The following RBFOX3 variants were observed in gnomAD, a reference collection of about 807,000 sequenced individuals.
RBFOX3 encodes RNA binding fox-1 homolog 3.
Under a neutral mutation model 48.7 loss-of-function variants are expected in RBFOX3, and 17 were observed. That is an observed-to-expected ratio of 0.35 (90% confidence interval 0.24 to 0.52). RBFOX3 has a LOEUF of 0.52. Ranked by LOEUF, RBFOX3 falls within the 20% of genes least tolerant of loss-of-function variation. The pLI is 0.94. For missense variants in RBFOX3, 382 were observed against 497.5 expected, an observed-to-expected ratio of 0.77 and a Z score of 2.21; for synonymous variants, 212 against 209.5, an observed-to-expected ratio of 1.01 and a Z score of -0.10.
chr17:79,431,557 T>C (rs1230589317), intron 2 of RBFOX3, among the ~76,000 whole-genome samples: 1 of 145,474 alleles, frequency 6.9e-6, no homozygotes, highest in East Asian at 2.1e-4. Context: ...CCATCTCGGC[T>C]CACTGCAACC....
intron 1 of RBFOX3, among the ~76,000 whole-genome samples, chr17:79,530,716 T>A (rs1208209769): frequency 8.6e-5 from 13 of 152,044 alleles, no homozygotes; most frequent in Admixed American, 6.5e-4. Flanking sequence ...GCAGAAACCA[T>A]GAAGAAGCCC....
intron 1 of RBFOX3, among the ~76,000 whole-genome samples, chr17:79,566,691 G>A (rs1281283968): frequency 5.3e-5 from 8 of 152,360 alleles, no homozygotes; most frequent in African/African-American, 1.9e-4. Context: ...CTAGGGCACT[G>A]TGGTTGCCCT....
intron 3 of RBFOX3, among the ~76,000 whole-genome samples, chr17:79,263,802 A>G (rs2066205300): frequency 6.6e-6 from 1 of 152,230 alleles, no homozygotes; most frequent in African/African-American, 2.4e-5. Flanking sequence ...AGGTATGTCC[A>G]GTCCTAACCC....
chr17:79,620,053 G>T, the RBFOX3 span, among the ~76,000 whole-genome samples: 1 of 120,234 alleles, frequency 8.3e-6, no homozygotes, highest in Non-Finnish European at 1.8e-5. Context: ...ACACGCACAT[G>T]CACACATATG....
intron 3 of RBFOX3, among the ~76,000 whole-genome samples, chr17:79,290,544 G>A (rs144792866): frequency 2.5e-3 from 373 of 152,144 alleles, no homozygotes; most frequent in Non-Finnish European, 2.2e-3. Context: ...CCGTTGCCAC[G>A]TCCCTTCTCG....
In RBFOX3 at chr17:79,111,889, C is replaced by T. The variant is rs989910053; in HGVS notation, c.222+3605G>A. Among the ~76,000 whole-genome samples the T allele has an allele frequency of 6.6e-6, 1 of 152,224 alleles. No homozygotes were observed. The highest frequency in any genetic ancestry group is 2.1e-4 in the South Asian group (1 of 4,832). ...TGGCTCAAGGTAGTGAGATGGGGTC[C>T]CCCGGTCCTTCCGCAGCCCCTCATC... On this transcript the variant is annotated intron_variant, in intron 5 of 14. Coordinates refer to ENST00000693108, the MANE Select transcript of RBFOX3 (RefSeq NM_001350451.2). This position sits in a 1 kb window ranked among gnomAD's most constrained non-coding sequence, Gnocchi z 4.2.
chr17:79,542,566 C>T (rs1407782515), intron 1 of RBFOX3, among the ~76,000 whole-genome samples: 1 of 152,204 alleles, frequency 6.6e-6, no homozygotes, highest in Non-Finnish European at 1.5e-5. Flanking sequence ...GGTGGATCAC[C>T]TGAGATCAGG....
chr17:79,393,438 C>T lies in RBFOX3; in HGVS notation c.-174-85614G>A, dbSNP rs149324748. On this transcript the variant is annotated intron_variant, in intron 2 of 14. Coordinates refer to ENST00000693108, the MANE Select transcript of RBFOX3 (RefSeq NM_001350451.2). Reference sequence around the variant, plus strand: ...TGAGCAGCCGCAGGGAAACGCTCTCCGTTCGTGTGGTCCCTGGCGCCACCT... The same window carrying T: ...TGAGCAGCCGCAGGGAAACGCTCTCTGTTCGTGTGGTCCCTGGCGCCACCT... 3.2e-3 allele frequency among the ~76,000 whole-genome samples: 490 copies of T among 152,360 alleles called. 2 individuals are homozygous for T. Among genetic ancestry groups the T allele is most frequent in the Admixed American group, 4.7e-3 (72 of 15,308 alleles).
intron 4 of RBFOX3, among the ~76,000 whole-genome samples, chr17:79,225,569 G>T (rs2060218305): frequency 6.6e-6 from 1 of 152,180 alleles, no homozygotes; most frequent in African/African-American, 2.4e-5. Context: ...GGGATTAAAG[G>T]CATGAGCCAT....
At chr17:79,543,901 G>T (rs1304424066) in intron 1 of RBFOX3, among the ~76,000 whole-genome samples, 1 of 152,132 alleles carries the variant, frequency 6.6e-6, no homozygotes, top group Non-Finnish European at 1.5e-5. Context: ...GGGATGCAGG[G>T]TGAGCCCCCT....
intron 14 of RBFOX3, chr17:79,092,627 T>C (rs1599369798): frequency 1.0e-6 from 1 of 986,974 alleles, no homozygotes; most frequent in Non-Finnish European, 1.2e-6. Context: ...TGTACCCTCC[T>C]CGGCAGAGGC....
chr17:79,476,921 A>G (rs978623416), intron 2 of RBFOX3, among the ~76,000 whole-genome samples: 4 of 151,704 alleles, frequency 2.6e-5, no homozygotes, highest in African/African-American at 9.7e-5. Flanking sequence ...GAAAGAGGAA[A>G]AGGAGACGGA....
In RBFOX3 at chr17:79,443,076, A is replaced by C. The variant is rs1427649042; in HGVS notation, c.-175+39378T>G. Among the ~76,000 whole-genome samples, 1 of 152,238 alleles carries C rather than the reference A, an allele frequency of 6.6e-6. No homozygotes were observed. Among genetic ancestry groups the C allele is most frequent in the Non-Finnish European group, 1.5e-5 (1 of 68,040 alleles). On this transcript the variant is annotated intron_variant, in intron 2 of 14. Transcript: ENST00000693108. This position sits in a 1 kb window ranked among gnomAD's most constrained non-coding sequence, Gnocchi z 4.4. ...TGAGGTCCTCACAGGCCAAAGGTGC[A>C]CATGGACGAGACAGTGGTGGCCTCT...
chr17:79,397,119 C>T (rs1195237541), intron 2 of RBFOX3, among the ~76,000 whole-genome samples: 7 of 152,234 alleles, frequency 4.6e-5, no homozygotes, highest in African/African-American at 1.7e-4. Flanking sequence ...CGCCTCCCCA[C>T]AGCCCCGCGG....
chr17:79,431,734 C>T (rs527547360), intron 2 of RBFOX3, among the ~76,000 whole-genome samples: 1 of 152,334 alleles, frequency 6.6e-6, no homozygotes, highest in East Asian at 1.9e-4. Flanking sequence ...ATCCTCCTGC[C>T]TCGGCCTCCC....
rs536960695 is a variant in RBFOX3, at chr17:79,130,247, T to TC, written c.-33-14500dup. Among the ~76,000 whole-genome samples, 708 of 151,952 alleles carry TC rather than the reference T, an allele frequency of 4.7e-3. 2 individuals are homozygous for TC. Among genetic ancestry groups the TC allele is most frequent in the Non-Finnish European group, 7.4e-3 (501 of 67,922 alleles). ...ACAGCCACCGGCTCTCAGGTCCCCT[T>TC]CCCCCCCGACTTCTCCACGAAGACT... On this transcript the variant is annotated intron_variant, in intron 4 of 14. Transcript: ENST00000693108.
At position 79,418,079 on chromosome 17, in the gene RBFOX3, T is replaced by C. The variant is rs1283371897; in HGVS notation, c.-175+64375A>G. On this transcript the variant is annotated intron_variant, in intron 2 of 14. Transcript: ENST00000693108. This position sits in a 1 kb window ranked among gnomAD's most constrained non-coding sequence, Gnocchi z 5.0. Reference sequence around the variant, plus strand: ...CTGGGGAGATAGGAAGGGGGCTTCGTGTTTCCTGGGGACAGAGCTTCAGGT... The same window carrying C: ...CTGGGGAGATAGGAAGGGGGCTTCGCGTTTCCTGGGGACAGAGCTTCAGGT... 1.3e-5 allele frequency among the ~76,000 whole-genome samples: 2 copies of C among 152,154 alleles called. No individual in the cohort carries two copies. The highest frequency in any genetic ancestry group is 2.9e-5 in the Non-Finnish European group (2 of 68,020).
At chr17:79,277,483 G>T (rs1480696027) in intron 3 of RBFOX3, among the ~76,000 whole-genome samples, 1 of 152,200 alleles carries the variant, frequency 6.6e-6, no homozygotes, top group Non-Finnish European at 1.5e-5. Flanking sequence ...TTAAAGACCA[G>T]AAGATATTCC....
the RBFOX3 span, among the ~76,000 whole-genome samples, chr17:79,639,299 C>A: frequency 6.6e-6 from 1 of 152,100 alleles, no homozygotes. Flanking sequence ...CTCAGCCTCC[C>A]AAGTAGCTGG....
Sources: gnomAD v4.1 joint callset for allele counts (sites outside exome capture counted in the v4.1 genomes callset) on GRCh38, gnomAD v4.1.1 for gene constraint, Gnocchi (gnomAD v3.1) non-coding constraint, MANE v1.5 for transcripts, NCBI Gene and HGNC (gene_info 2026-07-23, HGNC 2026-07-21) for gene names.